MAP3K2: variants seen among roughly 807,000 people sequenced by gnomAD.
MAP3K2 encodes the protein mitogen-activated protein kinase kinase kinase 2.
MAP3K2 carries 24 observed loss-of-function variants against 80.3 expected under a neutral mutation model. The ratio of observed to expected loss-of-function variants is 0.30; its 90% CI spans 0.22 to 0.42. MAP3K2 has a LOEUF of 0.42. Ranked by LOEUF, MAP3K2 falls within the 10% of genes least tolerant of loss-of-function variation. MAP3K2 has a pLI of 1.00. For synonymous variants in MAP3K2, 244 were observed against 253.7 expected (o/e 0.96, Z 0.36); for missense variants, 608 against 750.1 (o/e 0.81, Z 2.21).
intron 1 of MAP3K2, among the ~76,000 whole-genome samples, chr2:127,370,955 C>T (rs1273090990): frequency 6.6e-6 from 1 of 152,194 alleles, no homozygotes; most frequent in African/African-American, 2.4e-5. Context: ...GGATATGCTA[C>T]AGCTGGGGGA....
Position 127,350,458 on chromosome 2 carries a change from A to AAC in MAP3K2, c.-65-7265_-65-7264insGT, listed in dbSNP as rs34808843. ...CTCCTGAAACAAAAACAAAAACAAA[A>AAC]AAAAAAAAAAAAAGAAAGAAGAAAA... On this transcript the variant is annotated intron_variant, in intron 1 of 16. Coordinates refer to ENST00000682094, the MANE Select transcript of MAP3K2 (RefSeq NM_001371910.2). Among the ~76,000 whole-genome samples the AAC allele has an allele frequency of 4.9e-3, 740 of 150,056 alleles. 6 individuals carry two copies. The highest frequency in any genetic ancestry group is 0.021 in the Middle Eastern group (6 of 284).
Position 127,343,551 on chromosome 2 carries a change from T to G in MAP3K2, c.-65-357A>C, listed in dbSNP as rs1015129991. ...TCTACAAATCAGCAATCAGGCCCACTACATTAACTCTTTTTCTATATAAAC... is the reference window on the plus strand; with the variant it reads ...TCTACAAATCAGCAATCAGGCCCACGACATTAACTCTTTTTCTATATAAAC... On this transcript the variant is annotated intron_variant, in intron 1 of 16. Transcript: ENST00000682094. Among the ~76,000 whole-genome samples the G allele has an allele frequency of 6.6e-5, 10 of 152,296 alleles. No homozygotes were observed. The South Asian group carries it at 2.1e-3, about 32-fold the overall frequency.
At position 127,387,542 on chromosome 2, in the gene MAP3K2, C is replaced by T. The variant is rs904275886; in HGVS notation, c.-156G>A. 100 of 984,886 alleles carry T rather than the reference C, an allele frequency of 1.0e-4. No homozygotes were observed. Among genetic ancestry groups the T allele is most frequent in the Non-Finnish European group, 3.7e-5 (31 of 829,762 alleles). The allele number at this position is 984,886 out of a possible 1,614,324, so 61.0% of individuals were successfully genotyped here. A position where few individuals can be genotyped will look rare whatever the true frequency, so the allele number is the denominator to read the frequency against. On this transcript the variant is annotated 5_prime_UTR_variant, in exon 1 of 17. Coordinates refer to ENST00000682094, the MANE Select transcript of MAP3K2 (RefSeq NM_001371910.2). ...CCTCCGCCCCAGCGCGGCCTGTCAC[C>T]GCGGCCCCAGGTCGGGGGCTGCCGC...
chr2:127,308,818 C>A, intron 15 of MAP3K2, 56 bp from the exon 16 acceptor site: 2 of 1,525,408 alleles, frequency 1.3e-6, no homozygotes, highest in Non-Finnish European at 1.8e-6. Flanking sequence ...TCGAATATAG[C>A]ATAAAAGAAC....
rs1027891254 is a variant in MAP3K2, at chr2:127,387,808, G to C, written c.-422C>G. The C allele has an allele frequency of 7.1e-6, 7 of 985,204 alleles. No individual in the cohort carries two copies. Among genetic ancestry groups the C allele is most frequent in the Non-Finnish European group, 8.4e-6 (7 of 829,794 alleles). The allele number at this position is 985,204 out of a possible 1,614,324, so 61.0% of individuals were successfully genotyped here. A position where few individuals can be genotyped will look rare whatever the true frequency, so the allele number is the denominator to read the frequency against. Reference sequence around the variant, plus strand: ...CGTCGCTAGAGACCGGAGAAGAGGCGGGAGTGGCGACTCTGCGGACAGGGG... The same window carrying C: ...CGTCGCTAGAGACCGGAGAAGAGGCCGGAGTGGCGACTCTGCGGACAGGGG... On this transcript the variant is annotated 5_prime_UTR_variant, in exon 1 of 17. Transcript: ENST00000682094.
At chr2:127,376,638 T>C (rs911728968) in intron 1 of MAP3K2, among the ~76,000 whole-genome samples, 4 of 152,190 alleles carry the variant, frequency 2.6e-5, no homozygotes, top group Non-Finnish European at 4.4e-5. Context: ...ACAAAAATGT[T>C]GAGCTGAGCC....
intron 1 of MAP3K2, among the ~76,000 whole-genome samples, chr2:127,369,370 C>T (rs1175409907): frequency 5.4e-5 from 8 of 148,294 alleles, no homozygotes; most frequent in Middle Eastern, 3.5e-3. Context: ...CGGTGGCTCA[C>T]GCCTGTAATC....
intron 1 of MAP3K2, among the ~76,000 whole-genome samples, chr2:127,376,199 G>A (rs1032840390): frequency 1.3e-5 from 2 of 151,968 alleles, no homozygotes; most frequent in South Asian, 2.1e-4. Context: ...TCTCTTATCC[G>A]GTGCCTGACA....
intron 1 of MAP3K2, among the ~76,000 whole-genome samples, chr2:127,374,032 T>TAGTAA (rs1687110195): frequency 6.6e-6 from 1 of 152,218 alleles, no homozygotes; most frequent in East Asian, 1.9e-4. Context: ...CCTAATGCTT[T>TAGTAA]AACATTGTTT....
chr2:127,306,089 T>C lies in MAP3K2; in HGVS notation c.*1490A>G, dbSNP rs1685692712. 1 of 152,186 alleles carries C rather than the reference T, an allele frequency of 6.6e-6. No individual in the cohort carries two copies. The highest frequency in any genetic ancestry group is 2.4e-5 in the African/African-American group (1 of 41,452). 9.4% of individuals were successfully genotyped at this position (152,186 alleles called of 1,614,324 possible). On this transcript the variant is annotated 3_prime_UTR_variant, in exon 17 of 17. Transcript: ENST00000682094. The surrounding 1 kb of genome is among the most constrained non-coding windows in gnomAD (Gnocchi z 4.7). Reference sequence around the variant, plus strand: ...AGCTGGTAAAGTGATTGCTATTTGCTGTTTGTTGAGATTATTCACCCTTGA... The same window carrying C: ...AGCTGGTAAAGTGATTGCTATTTGCCGTTTGTTGAGATTATTCACCCTTGA...
At chr2:127,373,573 G>C (rs1336821705) in intron 1 of MAP3K2, among the ~76,000 whole-genome samples, 2 of 152,194 alleles carry the variant, frequency 1.3e-5, no homozygotes, top group African/African-American at 4.8e-5. Flanking sequence ...ACGGCACAAA[G>C]GGAAATTGAA....
In MAP3K2 at chr2:127,304,395, T is replaced by C. The variant is rs1010520070; in HGVS notation, c.*3184A>G. ...TTTGTTTGCAATGTAAAAGATCTTA[T>C]ATTTGGTCCAAGCCTAAGTCATGCC... On this transcript the variant is annotated 3_prime_UTR_variant, in exon 17 of 17. Transcript: ENST00000682094. 3 of 152,198 alleles carry C rather than the reference T, an allele frequency of 2.0e-5. No homozygotes were observed. Among genetic ancestry groups the C allele is most frequent in the Non-Finnish European group, 2.9e-5 (2 of 68,018 alleles). The allele number at this position is 152,198 out of a possible 1,614,324, so 9.4% of individuals were successfully genotyped here.
At chr2:127,367,356 A>C (rs1334531747) in intron 1 of MAP3K2, among the ~76,000 whole-genome samples, 1 of 152,226 alleles carries the variant, frequency 6.6e-6, no homozygotes, top group Non-Finnish European at 1.5e-5. Context: ...TTTAAAAAGG[A>C]GTTAACAGGT....
At chr2:127,382,586 G>A (rs965967353) in intron 1 of MAP3K2, among the ~76,000 whole-genome samples, 5 of 152,250 alleles carry the variant, frequency 3.3e-5, no homozygotes, top group African/African-American at 9.6e-5. Context: ...AGGATGAAGT[G>A]CAGCAGCACG....
chr2:127,379,199 A>T (rs980948724), intron 1 of MAP3K2, among the ~76,000 whole-genome samples: 1 of 152,026 alleles, frequency 6.6e-6, no homozygotes, highest in African/African-American at 2.4e-5. Flanking sequence ...TAACTTTTTT[A>T]AATTTAATAA....
At chr2:127,353,218 G>A (rs35602798) in intron 1 of MAP3K2, among the ~76,000 whole-genome samples, 1 of 151,574 alleles carries the variant, frequency 6.6e-6, no homozygotes, top group Non-Finnish European at 1.5e-5. Flanking sequence ...AGTGAGGAGC[G>A]TCTCTGTCCT....
intron 1 of MAP3K2, among the ~76,000 whole-genome samples, chr2:127,350,672 A>AT (rs1686677795): frequency 6.6e-6 from 1 of 152,078 alleles, no homozygotes; most frequent in Non-Finnish European, 1.5e-5. Context: ...AAGCTAGTGG[A>AT]TGAAAAGTGT....
chr2:127,376,687 C>T (rs1687158165), intron 1 of MAP3K2, among the ~76,000 whole-genome samples: 1 of 152,172 alleles, frequency 6.6e-6, no homozygotes, highest in Non-Finnish European at 1.5e-5. Context: ...ATGAGCAAAA[C>T]ATACACCTTC....
intron 12 of MAP3K2, 78 bp from the exon 13 acceptor site, chr2:127,318,395 C>T: frequency 9.6e-7 from 1 of 1,037,158 alleles, no homozygotes; most frequent in South Asian, 3.3e-5. Context: ...GAGCATACTG[C>T]ATTAGTGACA....
Sources: allele counts gnomAD v4.1 joint callset (sites outside exome capture counted in the v4.1 genomes callset), GRCh38; gene constraint gnomAD v4.1.1; non-coding constraint Gnocchi (gnomAD v3.1); transcripts MANE v1.5; gene names NCBI Gene and HGNC (gene_info 2026-07-23, HGNC 2026-07-21).